FAM227B: variants seen among roughly 807,000 people sequenced by gnomAD.
The protein encoded by FAM227B is family with sequence similarity 227 member B.
A neutral mutation model predicts 73.8 loss-of-function variants in FAM227B; 88 were observed. The ratio of observed to expected loss-of-function variants is 1.19; its 90% CI spans 1.00 to 1.42. FAM227B has a LOEUF of 1.42. Ranked by LOEUF, FAM227B falls within the 40% of genes most tolerant of loss-of-function variation. The pLI is 0.00. For missense variants in FAM227B, 632 were observed against 590.9 expected (o/e 1.07, Z -0.72); for synonymous variants, 210 against 190.5 (o/e 1.10, Z -0.84).
chr15:49,614,589 T>G (rs2078165955), intron 2 of FAM227B, among the ~76,000 whole-genome samples: 1 of 152,242 alleles, frequency 6.6e-6, no homozygotes. Flanking sequence ...ATATAGAAAT[T>G]AATCCTTCTA....
chr15:49,615,726 C>A, intron 1 of FAM227B, among the ~76,000 whole-genome samples: 2 of 152,224 alleles, frequency 1.3e-5, no homozygotes, highest in South Asian at 4.2e-4. Context: ...AATGTGAGAA[C>A]GGACTAACGC....
intron 5 of FAM227B, among the ~76,000 whole-genome samples, chr15:49,586,352 C>G (rs2076162570): frequency 6.6e-6 from 1 of 152,184 alleles, no homozygotes; most frequent in Non-Finnish European, 1.5e-5. Flanking sequence ...AAGATTGAAA[C>G]TGGACCTTTT....
At chr15:49,542,341 T>G (rs1170115818) in intron 9 of FAM227B, among the ~76,000 whole-genome samples, 4 of 152,142 alleles carry the variant, frequency 2.6e-5, no homozygotes, top group Non-Finnish European at 5.9e-5. Context: ...TTATTTTGAT[T>G]TCAATAGTTT....
chr15:49,562,975 C>T (rs1016990486), intron 9 of FAM227B, among the ~76,000 whole-genome samples: 2 of 152,012 alleles, frequency 1.3e-5, no homozygotes, highest in African/African-American at 4.8e-5. Context: ...TCCTATTTAA[C>T]TAGTACTGGA....
intron 11 of FAM227B, among the ~76,000 whole-genome samples, chr15:49,489,800 A>G (rs1404863063): frequency 1.4e-5 from 1 of 70,902 alleles, no homozygotes; most frequent in East Asian, 3.5e-4. Flanking sequence ...ATATATATAT[A>G]TTTTATATAT....
At chr15:49,510,790 T>G (rs2152119862) in intron 10 of FAM227B, among the ~76,000 whole-genome samples, 1 of 152,246 alleles carries the variant, frequency 6.6e-6, no homozygotes, top group East Asian at 1.9e-4. Flanking sequence ...TAACAATGCC[T>G]TCAGTTCATC....
At chr15:49,355,957 T>A (rs1280183986) in intron 13 of FAM227B, among the ~76,000 whole-genome samples, 1 of 151,300 alleles carries the variant, frequency 6.6e-6, no homozygotes, top group East Asian at 1.9e-4. Context: ...AAGAAAAGAA[T>A]TTTCAACCCA....
In FAM227B at chr15:49,592,627, T is replaced by C. The variant is rs531210997; in HGVS notation, c.106-2620A>G. 3.3e-5 allele frequency among the ~76,000 whole-genome samples: 5 copies of C among 152,332 alleles called. No individual in the cohort carries two copies. In the South Asian group the frequency reaches 1.0e-3, roughly 32 times the overall value. Reference sequence around the variant, plus strand: ...CCCCTACTGGGAGGTGTCTCCCAGTTAGGCTACACAGTGGTCAGGGATCCA... The same window carrying C: ...CCCCTACTGGGAGGTGTCTCCCAGTCAGGCTACACAGTGGTCAGGGATCCA... On this transcript the variant is annotated intron_variant, in intron 3 of 15. Transcript: ENST00000299338.
intron 11 of FAM227B, among the ~76,000 whole-genome samples, chr15:49,430,210 G>T (rs1468093637): frequency 6.6e-6 from 1 of 151,930 alleles, no homozygotes; most frequent in African/African-American, 2.4e-5. Flanking sequence ...TGGTGAATGA[G>T]TTAGCTGCAG....
intron 9 of FAM227B, among the ~76,000 whole-genome samples, chr15:49,561,671 C>CT (rs1371097432): frequency 6.6e-6 from 1 of 152,044 alleles, no homozygotes; most frequent in African/African-American, 2.4e-5. Flanking sequence ...AGTGGAATAA[C>CT]AACACAAATC....
chr15:49,601,122 A>G (rs2077179556), intron 3 of FAM227B, among the ~76,000 whole-genome samples: 1 of 148,972 alleles, frequency 6.7e-6, no homozygotes, highest in Non-Finnish European at 1.5e-5. Context: ...AGCAACAGTA[A>G]TTGCGGTTTT....
At chr15:49,510,607 T>C (rs888500848) in intron 10 of FAM227B, among the ~76,000 whole-genome samples, 4 of 152,130 alleles carry the variant, frequency 2.6e-5, no homozygotes, top group African/African-American at 9.7e-5. Flanking sequence ...ATTAGGCCTG[T>C]GCAGTTATCA....
chr15:49,346,850 G>C (rs2041580744), intron 13 of FAM227B, among the ~76,000 whole-genome samples: 1 of 152,152 alleles, frequency 6.6e-6, no homozygotes, highest in Admixed American at 6.5e-5. Flanking sequence ...CTTGAAATAA[G>C]CTTATTAGCA....
chr15:49,380,476 T>G lies in FAM227B; in HGVS notation c.1013-9077A>C, dbSNP rs143780245. On this transcript the variant is annotated intron_variant, in intron 11 of 15. Transcript: ENST00000299338. Reference sequence around the variant, plus strand: ...TGCGTTGATTAAAAAAAAATATATTTAATAAAATGTAATATTCATTCCAAA... The same window carrying G: ...TGCGTTGATTAAAAAAAAATATATTGAATAAAATGTAATATTCATTCCAAA... Among the ~76,000 whole-genome samples the G allele has an allele frequency of 8.0e-3, 1,213 of 152,244 alleles. 8 individuals carry two copies. The highest frequency in any genetic ancestry group is 0.034 in the Middle Eastern group (10 of 294).
intron 11 of FAM227B, among the ~76,000 whole-genome samples, chr15:49,408,786 AT>A (rs1567226014): frequency 1.3e-5 from 2 of 148,948 alleles, no homozygotes; most frequent in Non-Finnish European, 3.0e-5. Context: ...ATGCAATATA[AT>A]TTCAAATAAG....
In FAM227B at chr15:49,605,375, A is replaced by G. The variant is rs188704715; in HGVS notation, c.105+5840T>C. Among the ~76,000 whole-genome samples, 300 of 152,296 alleles carry G rather than the reference A, an allele frequency of 2.0e-3. 1 individual carries two copies. Among genetic ancestry groups the G allele is most frequent in the African/African-American group, 6.9e-3 (287 of 41,556 alleles). ...TTAGGTGGTATTACCTCTTGGGTCC[A>G]CCGGAGTGGTCCTGAGTCCTAGGCT... is the stretch of plus-strand genomic sequence containing the variant. On this transcript the variant is annotated intron_variant, in intron 3 of 15. Transcript: ENST00000299338.
At chr15:49,366,252 A>C (rs776661062) in intron 13 of FAM227B, 1 of 786,552 alleles carries the variant, frequency 1.3e-6, no homozygotes, top group African/African-American at 1.7e-5. Flanking sequence ...ATATCTATAA[A>C]GTCTTTGTCA....
rs182095445 is a variant in FAM227B at position 49,422,177 on chromosome 15, C to T, written c.1013-50778G>A. 2.2e-4 allele frequency among the ~76,000 whole-genome samples: 27 copies of T among 122,392 alleles called. 1 individual carries two copies. Among genetic ancestry groups the T allele is most frequent in the South Asian group, 1.5e-3 (4 of 2,624 alleles). The allele number at this position is 122,392 out of a possible 152,430, so 80.3% of individuals were successfully genotyped here. A position where few individuals can be genotyped will look rare whatever the true frequency, so the allele number is the denominator to read the frequency against. On this transcript the variant is annotated intron_variant, in intron 11 of 15. Coordinates refer to ENST00000299338, the MANE Select transcript of FAM227B (RefSeq NM_152647.3). ...GTGTGTGTGTGTGCGCGCGCGCGCG[C>T]GTGCACGCGTGTGTGTTTTGAGGAG...
Position 49,328,106 on chromosome 15 carries a change from A to AGTTT in FAM227B, c.*458_*461dup, listed in dbSNP as rs765062312. 2.5e-6 allele frequency: 4 copies of AGTTT among 1,614,082 alleles called. No individual in the cohort carries two copies. The highest frequency in any genetic ancestry group is 2.5e-6 in the Non-Finnish European group (3 of 1,179,996). On this transcript the variant is annotated 3_prime_UTR_variant, in exon 16 of 16. Transcript: ENST00000299338. The stretch of plus-strand genomic sequence containing the variant: ...TGGAAGCTTAGCACCGGAGAAGCAA[A>AGTTT]GTTTGTTTGCTACCAAACCTGGAGG...
Sources: gnomAD v4.1 joint callset for allele counts (sites outside exome capture counted in the v4.1 genomes callset) on GRCh38, gnomAD v4.1.1 for gene constraint, MANE v1.5 for transcripts, NCBI Gene and HGNC (gene_info 2026-07-23, HGNC 2026-07-21) for gene names.